GCNT2: variants seen among roughly 807,000 people sequenced by gnomAD.
GCNT2 encodes the protein glucosaminyl (N-acetyl) transferase 2 (I blood group).
Under a neutral mutation model 34.2 loss-of-function variants are expected in GCNT2, and 34 were observed. The observed-to-expected ratio is 1.00, with a 90% CI of 0.76 to 1.32. GCNT2 has a LOEUF of 1.32. Among genes scored for constraint, GCNT2 ranks in the 40% most tolerant of loss-of-function variants. The pLI is 0.00. For synonymous variants in GCNT2, 212 were observed against 188.0 expected, an observed-to-expected ratio of 1.13 and a Z score of -1.04; for missense variants, 584 against 489.4, an observed-to-expected ratio of 1.19 and a Z score of -1.82.
chr6:10,539,735 A>T (rs1255279420), intron 3 of GCNT2, among the ~76,000 whole-genome samples: 1 of 152,194 alleles, frequency 6.6e-6, no homozygotes, highest in Non-Finnish European at 1.5e-5. Flanking sequence ...TAAAACAAAA[A>T]ACAAAACCTT....
At chr6:10,530,106 A>G in intron 3 of GCNT2, 1 of 374,208 alleles carries the variant, frequency 2.7e-6, no homozygotes, top group Non-Finnish European at 5.0e-6. Flanking sequence ...TCAAGCCTGT[A>G]ATCACAGCAC....
intron 3 of GCNT2, among the ~76,000 whole-genome samples, chr6:10,614,780 T>C (rs1765695809): frequency 6.6e-6 from 1 of 152,026 alleles, no homozygotes; most frequent in Non-Finnish European, 1.5e-5. Context: ...ACCTAAACGG[T>C]CCTCCCCATC....
intron 3 of GCNT2, among the ~76,000 whole-genome samples, chr6:10,578,392 A>G (rs1356186941): frequency 4.4e-5 from 4 of 91,024 alleles, no homozygotes; most frequent in Non-Finnish European, 6.8e-5. Context: ...GTCTAAAAGT[A>G]AAAAAAAAAA....
At chr6:10,618,861 A>C in intron 3 of GCNT2, among the ~76,000 whole-genome samples, 1 of 145,208 alleles carries the variant, frequency 6.9e-6, no homozygotes. Context: ...ACTTTTATTA[A>C]ATAAATTCAA....
rs143089239 is a variant in GCNT2 at position 10,545,959 on chromosome 6, T to G, written c.925+16123T>G. Among the ~76,000 whole-genome samples, 403 of 152,288 alleles carry G rather than the reference T, an allele frequency of 2.6e-3. 1 individual carries two copies. Among genetic ancestry groups the G allele is most frequent in the African/African-American group, 9.2e-3 (383 of 41,564 alleles). On this transcript the variant is annotated intron_variant, in intron 3 of 4. Coordinates refer to ENST00000495262, the MANE Select transcript of GCNT2 (RefSeq NM_145649.5). ...TTGTTCCAAAGGTTGCAGGGTCTAG[T>G]TCCAAGGGCAGCTAGAAATGACTTG...
intron 4 of GCNT2, chr6:10,621,656 A>T (rs1426985005): frequency 1.9e-6 from 1 of 539,882 alleles, no homozygotes. Flanking sequence ...ACCTAGGGAG[A>T]TGGAAAAATG....
intron 3 of GCNT2, chr6:10,573,297 C>T: frequency 1.0e-6 from 1 of 984,346 alleles, no homozygotes; most frequent in Non-Finnish European, 1.2e-6. Flanking sequence ...CTACGCTGTT[C>T]CTTGAAACTT....
At chr6:10,555,920 A>G (rs534786148) in intron 3 of GCNT2, 114 of 1,007,378 alleles carry the variant, frequency 1.1e-4, no homozygotes, top group Non-Finnish European at 1.3e-4. Flanking sequence ...GCCACGAACA[A>G]CAAGAGAGGG....
chr6:10,524,627 G>GA (rs1219492686), intron 1 of GCNT2, among the ~76,000 whole-genome samples: 1 of 152,168 alleles, frequency 6.6e-6, no homozygotes, highest in East Asian at 1.9e-4. Flanking sequence ...AGCAGGCAGA[G>GA]AGGAGGACAG....
chr6:10,537,429 G>A (rs1761812131), intron 3 of GCNT2, among the ~76,000 whole-genome samples: 1 of 152,078 alleles, frequency 6.6e-6, no homozygotes, highest in African/African-American at 2.4e-5. Flanking sequence ...GGCCACGTGG[G>A]GTGGCTAACG....
intron 3 of GCNT2, chr6:10,557,013 CCAA>C (rs1190729139): frequency 6.2e-7 from 1 of 1,613,602 alleles, no homozygotes; most frequent in Admixed American, 1.7e-5. Context: ...CCCCTGAAAA[CCAA>C]CAAGGAAATA....
intron 3 of GCNT2, among the ~76,000 whole-genome samples, chr6:10,536,040 TTCCTCTATATGTAAAAA>T (rs1285384564): frequency 6.6e-6 from 1 of 152,132 alleles, no homozygotes; most frequent in African/African-American, 2.4e-5. Flanking sequence ...ATCCCGTTAG[TTCCTCTATATGTAAAAA>T]TGCAATGCTG....
At chr6:10,602,042 G>A (rs1765113316) in intron 3 of GCNT2, among the ~76,000 whole-genome samples, 2 of 152,040 alleles carry the variant, frequency 1.3e-5, no homozygotes, top group African/African-American at 4.8e-5. Flanking sequence ...GCCCTAGGCA[G>A]AGGAGAGGGT....
At chr6:10,536,508 CTGTG>C (rs1761760694) in intron 3 of GCNT2, among the ~76,000 whole-genome samples, 1 of 151,692 alleles carries the variant, frequency 6.6e-6, no homozygotes, top group Admixed American at 6.6e-5. Flanking sequence ...GCGCCCACCA[CTGTG>C]CCCGGCTAAT....
chr6:10,532,545 C>CCACACAG, intron 3 of GCNT2, among the ~76,000 whole-genome samples: 1 of 152,196 alleles, frequency 6.6e-6, no homozygotes, highest in East Asian at 1.9e-4. Flanking sequence ...CAGGTGTGAG[C>CCACACAG]CACACAGCAC....
intron 3 of GCNT2, among the ~76,000 whole-genome samples, chr6:10,597,478 C>T (rs1764907986): frequency 6.7e-6 from 1 of 148,982 alleles, no homozygotes; most frequent in African/African-American, 2.5e-5. Flanking sequence ...ATTCAACTTC[C>T]ACCCCATAAA....
chr6:10,529,470 G>T lies in GCNT2; in HGVS notation c.559G>T (p.Val187Phe), dbSNP rs759847093. ...LVASEVPWKY[V>F]INTCGQDFPL... ...GGCCTCTGAAGTTCCCTGGAAGTATGTCATCAACACCTGCGGGCAAGACTT... is the reference window on the plus strand; with the variant it reads ...GGCCTCTGAAGTTCCCTGGAAGTATTTCATCAACACCTGCGGGCAAGACTT... The change falls in exon 3 of 5, where the codon GTC (valine) becomes TTC (phenylalanine). Residue 187 changes from valine to phenylalanine, a missense_variant. Transcript: ENST00000495262. 4 of 1,614,114 alleles carry T rather than the reference G, an allele frequency of 2.5e-6. No individual in the cohort carries two copies. The East Asian group carries it at 6.7e-5, about 27-fold the overall frequency.
chr6:10,588,890 C>CATGTGTGTTGT (rs1554134582), intron 3 of GCNT2, among the ~76,000 whole-genome samples: 27 of 140,224 alleles, frequency 1.9e-4, no homozygotes, highest in African/African-American at 5.1e-4. Context: ...GTGTTTGTAG[C>CATGTGTGTTGT]GTGTGTGTTG....
intron 1 of GCNT2, among the ~76,000 whole-genome samples, chr6:10,527,142 T>C (rs1761229471): frequency 1.3e-5 from 2 of 152,126 alleles, no homozygotes; most frequent in Non-Finnish European, 2.9e-5. Flanking sequence ...CAATAAATAG[T>C]TGATTGTGCG....
Sources: gnomAD v4.1 joint callset for allele counts (sites outside exome capture counted in the v4.1 genomes callset) on GRCh38, gnomAD v4.1.1 for gene constraint, MANE v1.5 for transcripts, NCBI Gene and HGNC (gene_info 2026-07-23, HGNC 2026-07-21) for gene names.